Variants in DPF3 observed in about 807,000 individuals in gnomAD.
The protein encoded by DPF3 is double PHD fingers 3.
A neutral mutation model predicts 56.8 loss-of-function variants in DPF3; 18 were observed. The ratio of observed to expected loss-of-function variants is 0.32; its 90% CI spans 0.22 to 0.47. The LOEUF (loss-of-function observed/expected upper bound fraction) is 0.47, where lower values mean the gene tolerates loss of function less well. Ranked by LOEUF, DPF3 falls within the 20% of genes least tolerant of loss-of-function variation. The pLI, the probability that DPF3 is intolerant of heterozygous loss-of-function variation, is 1.00. For synonymous variants in DPF3, 188 were observed against 180.2 expected (o/e 1.04, Z -0.35); for missense variants, 403 against 488.8 (o/e 0.82, Z 1.65).
intron 1 of DPF3, among the ~76,000 whole-genome samples, chr14:72,877,678 C>G (rs1886167132): frequency 1.3e-5 from 2 of 152,170 alleles, no homozygotes; most frequent in Non-Finnish European, 2.9e-5. Context: ...GGATCTTCAG[C>G]CCCTGAGATG....
chr14:72,827,118 T>C (rs1435259398), intron 1 of DPF3, among the ~76,000 whole-genome samples: 1 of 11,694 alleles, frequency 8.6e-5, no homozygotes, highest in Non-Finnish European at 2.2e-4. Flanking sequence ...AACCACTGTA[T>C]AAGTCCAGCT....
intron 9 of DPF3, among the ~76,000 whole-genome samples, chr14:72,620,657 T>C (rs1884375280): frequency 6.6e-6 from 1 of 152,240 alleles, no homozygotes; most frequent in Non-Finnish European, 1.5e-5. Flanking sequence ...TTTCTCTGCA[T>C]GTCCATTCCC....
intron 7 of DPF3, among the ~76,000 whole-genome samples, chr14:72,692,125 G>C (rs575485863): frequency 6.6e-6 from 1 of 152,178 alleles, no homozygotes; most frequent in Non-Finnish European, 1.5e-5. Context: ...TGGCTAACAC[G>C]CATCCTCTAA....
Position 72,771,906 on chromosome 14 carries a change from G to T in DPF3, c.33-13C>A. ...CTGGTCCCCGAGCCTGCCAGAGTCA[G>T]AGAGTGAAGGGGTGAGGCCAGGGAA... On this transcript the variant is annotated splice_polypyrimidine_tract_variant and intron_variant, in intron 1 of 10. Transcript: ENST00000556509. 3.2e-6 allele frequency: 5 copies of T among 1,564,150 alleles called. No individual in the cohort carries two copies. The highest frequency in any genetic ancestry group is 3.5e-6 in the Non-Finnish European group (4 of 1,156,564).
chr14:72,838,335 A>G (rs1261706493), intron 1 of DPF3, among the ~76,000 whole-genome samples: 2 of 152,210 alleles, frequency 1.3e-5, no homozygotes, highest in East Asian at 3.9e-4. Context: ...CTCTACTAAA[A>G]ATACAAAAAT....
At chr14:72,876,653 G>A (rs1018519493) in intron 1 of DPF3, among the ~76,000 whole-genome samples, 5 of 151,994 alleles carry the variant, frequency 3.3e-5, no homozygotes, top group African/African-American at 4.8e-5. Context: ...TCGCTCAAAC[G>A]CCTCACGTCT....
intron 4 of DPF3, among the ~76,000 whole-genome samples, chr14:72,725,378 A>C (rs1036007310): frequency 3.3e-5 from 5 of 152,078 alleles, no homozygotes; most frequent in Non-Finnish European, 7.4e-5. Flanking sequence ...ACATGAGCTG[A>C]GAAGTTGAGA....
At chr14:72,861,737 GAGAA>G (rs35048401) in intron 1 of DPF3, among the ~76,000 whole-genome samples, 4,459 of 84,146 alleles carry the variant, frequency 0.053, 130 homozygotes, top group Middle Eastern at 0.089. Flanking sequence ...AAGAAAGAAA[GAGAA>G]AGAAAGAAAG....
chr14:72,615,156 C>A lies in DPF3; in HGVS notation c.*4141G>T, dbSNP rs918827811. Among the ~76,000 whole-genome samples the A allele has an allele frequency of 1.3e-5, 2 of 152,152 alleles. No homozygotes were observed. Among genetic ancestry groups the A allele is most frequent in the African/African-American group, 4.8e-5 (2 of 41,440 alleles). ...GAGAGAAGAAGGGGCTGCTTCTGTC[C>A]CAGCACTTCCACGACAGGCTAAAAA... On this transcript the variant is annotated 3_prime_UTR_variant, in exon 11 of 11. Transcript: ENST00000556509.
At chr14:72,630,288 G>A (rs1033413228) in intron 8 of DPF3, among the ~76,000 whole-genome samples, 3 of 152,222 alleles carry the variant, frequency 2.0e-5, no homozygotes, top group African/African-American at 4.8e-5. Context: ...CCACACTCAT[G>A]AGACTAGCAA....
intron 1 of DPF3, among the ~76,000 whole-genome samples, chr14:72,861,026 TACACACACACACAC>T (rs10570653): frequency 0.3 from 43,735 of 147,754 alleles, 6,692 homozygotes; most frequent in Non-Finnish European, 0.34. Context: ...GTTCTCACTA[TACACACACACACAC>T]ACACACACAC....
At chr14:72,632,296 C>T (rs1433591830) in intron 8 of DPF3, among the ~76,000 whole-genome samples, 1 of 152,138 alleles carries the variant, frequency 6.6e-6, no homozygotes, top group Admixed American at 6.5e-5. Flanking sequence ...CATACACATA[C>T]ACATATGTAT....
chr14:72,828,718 A>G (rs1184630604), intron 1 of DPF3, among the ~76,000 whole-genome samples: 1 of 152,062 alleles, frequency 6.6e-6, no homozygotes, highest in African/African-American at 2.4e-5. Context: ...GCTGGGCCCA[A>G]ACAACGGAGC....
intron 8 of DPF3, among the ~76,000 whole-genome samples, chr14:72,646,949 G>A (rs1885745238): frequency 6.6e-6 from 1 of 152,214 alleles, no homozygotes; most frequent in African/African-American, 2.4e-5. Context: ...GGGCTCAGAT[G>A]CAGATGGCCC....
chr14:72,801,951 T>C lies in DPF3; in HGVS notation c.33-30058A>G, dbSNP rs144390524. Among the ~76,000 whole-genome samples, 421 of 152,328 alleles carry C rather than the reference T, an allele frequency of 2.8e-3. 5 individuals carry two copies. The highest frequency in any genetic ancestry group is 9.6e-3 in the African/African-American group (399 of 41,568). On this transcript the variant is annotated intron_variant, in intron 1 of 10. Coordinates refer to ENST00000556509, the MANE Select transcript of DPF3 (RefSeq NM_001280542.3). ...GAAGAACTAGATTCTTAGGGACTTA[T>C]CCTTGGGGATTGATACCACCCCTGC...
chr14:72,673,313 T>C (rs540405283), intron 8 of DPF3, among the ~76,000 whole-genome samples: 1 of 152,240 alleles, frequency 6.6e-6, no homozygotes, highest in African/African-American at 2.4e-5. Flanking sequence ...GAGAAATGAC[T>C]CCTCATTGCT....
chr14:72,750,695 G>A (rs1027964166), intron 3 of DPF3, among the ~76,000 whole-genome samples: 59 of 138,564 alleles, frequency 4.3e-4, no homozygotes, highest in African/African-American at 1.2e-3. Flanking sequence ...ATTGAAAAGT[G>A]CAAAATCCAA....
chr14:72,705,151 A>C (rs1002515090), intron 6 of DPF3, among the ~76,000 whole-genome samples: 3 of 152,150 alleles, frequency 2.0e-5, no homozygotes, highest in Non-Finnish European at 4.4e-5. Flanking sequence ...CTGTATTTAC[A>C]GCTGCTCCTC....
At chr14:72,627,358 T>G (rs1257837913) in intron 9 of DPF3, among the ~76,000 whole-genome samples, 1 of 152,132 alleles carries the variant, frequency 6.6e-6, no homozygotes, top group South Asian at 2.1e-4. Context: ...TAATTTTGTC[T>G]TTTCTCAAAT....
Sources: gnomAD v4.1 joint callset for allele counts (sites outside exome capture counted in the v4.1 genomes callset) on GRCh38, gnomAD v4.1.1 for gene constraint, MANE v1.5 for transcripts, NCBI Gene and HGNC (gene_info 2026-07-23, HGNC 2026-07-21) for gene names.